Variants in CPB2 observed in about 807,000 individuals in gnomAD.
CPB2 encodes the protein carboxypeptidase B-like protein.
Under a neutral mutation model 57.0 loss-of-function variants are expected in CPB2, and 54 were observed. That is an observed-to-expected ratio of 0.95 (90% CI 0.76 to 1.19). The LOEUF (loss-of-function observed/expected upper bound fraction) is 1.19. Among genes scored for constraint, CPB2 ranks in the 50% most tolerant of loss-of-function variants. CPB2 has a pLI of 0.00. For missense variants in CPB2, 426 were observed against 512.0 expected, an observed-to-expected ratio of 0.83 and a Z score of 1.62; for synonymous variants, 189 against 178.1, an observed-to-expected ratio of 1.06 and a Z score of -0.49.
At chr13:46,065,278 T>C (rs2139360255) in intron 7 of CPB2, among the ~76,000 whole-genome samples, 1 of 152,300 alleles carries the variant, frequency 6.6e-6, no homozygotes, top group East Asian at 1.9e-4. Flanking sequence ...TTTTTAAATA[T>C]AAAGCAAATT....
intron 1 of CPB2, chr13:46,100,180 T>G (rs1462686164): frequency 6.6e-6 from 1 of 152,034 alleles, no homozygotes; most frequent in Non-Finnish European, 1.5e-5. Context: ...GTTATCCAAA[T>G]GAGACCTCTT....
chr13:46,074,059 T>C (rs2044985094), intron 5 of CPB2, 82 bp from the exon 6 acceptor site: 2 of 698,958 alleles, frequency 2.9e-6, no homozygotes, highest in Non-Finnish European at 4.6e-6. Flanking sequence ...AGTGCTTATA[T>C]TTAATAGTTT....
chr13:46,089,917 A>G (rs2045266540), intron 1 of CPB2, among the ~76,000 whole-genome samples: 1 of 152,234 alleles, frequency 6.6e-6, no homozygotes, highest in South Asian at 2.1e-4. Flanking sequence ...AAACGTACTA[A>G]GACAGAATTA....
At chr13:46,087,160 G>A (rs1024553979) in intron 2 of CPB2, among the ~76,000 whole-genome samples, 2 of 152,184 alleles carry the variant, frequency 1.3e-5, no homozygotes, top group African/African-American at 4.8e-5. Context: ...GCTGCAGCGG[G>A]CAGCTGCAGC....
At chr13:46,079,551 A>AAAAAAAAAG (rs2045078862) in intron 4 of CPB2, among the ~76,000 whole-genome samples, 57 of 124,672 alleles carry the variant, frequency 4.6e-4, no homozygotes, top group African/African-American at 7.7e-4. Context: ...AAAAAAAAAA[A>AAAAAAAAAG]AAAAGAAAAG....
At position 46,053,648 on chromosome 13, in the gene CPB2, G is replaced by T; in HGVS notation, c.1238C>A (p.Ser413Tyr). The change falls in exon 11 of 11, where the codon TCT (serine) becomes TAT (tyrosine). Residue 413 changes from serine (S) to tyrosine (Y), a missense_variant. Ser to Tyr is a moderately radical substitution (Grantham distance 144, BLOSUM62 -2). Coordinates refer to ENST00000181383, the MANE Select transcript of CPB2 (RefSeq NM_001872.5). ...PTCREAFAAV[S>Y]KIAWHVIRNV is the part of the protein sequence containing the mutation. ...CCTAATGACATGCCAAGCTATTTTA[G>T]AGACAGCGGCAAAAGCTTCTCTACA... 1 of 1,614,152 alleles carries T rather than the reference G, an allele frequency of 6.2e-7. No homozygotes were observed. Among genetic ancestry groups the T allele is most frequent in the Non-Finnish European group, 8.5e-7 (1 of 1,180,008 alleles).
At chr13:46,067,669 TAA>T in intron 6 of CPB2, among the ~76,000 whole-genome samples, 1 of 152,218 alleles carries the variant, frequency 6.6e-6, no homozygotes, top group Non-Finnish European at 1.5e-5. Context: ...AAATTTTCCT[TAA>T]AAAATAAAAT....
intron 1 of CPB2, among the ~76,000 whole-genome samples, chr13:46,093,282 G>T (rs1370320819): frequency 6.6e-6 from 1 of 152,186 alleles, no homozygotes; most frequent in East Asian, 1.9e-4. Flanking sequence ...CTGAATTCTG[G>T]AAATAAGTCT....
chr13:46,082,806 G>A (rs17844193), intron 3 of CPB2, among the ~76,000 whole-genome samples: 187 of 152,204 alleles, frequency 1.2e-3, no homozygotes, highest in African/African-American at 4.1e-3. Context: ...AAAAACCACC[G>A]TTTCCCACCA....
intron 3 of CPB2, among the ~76,000 whole-genome samples, chr13:46,082,958 C>CTT (rs774539161): frequency 7.0e-6 from 1 of 142,928 alleles, no homozygotes. Flanking sequence ...CCTTTTCTTT[C>CTT]TTTTTTTTTT....
intron 1 of CPB2, among the ~76,000 whole-genome samples, chr13:46,095,525 T>C (rs2045352624): frequency 6.6e-6 from 1 of 152,166 alleles, no homozygotes; most frequent in Non-Finnish European, 1.5e-5. Flanking sequence ...CCATAGTGCT[T>C]GATGTGGCAT....
At chr13:46,084,779 T>A (rs989134653) in intron 2 of CPB2, among the ~76,000 whole-genome samples, 64 of 151,738 alleles carry the variant, frequency 4.2e-4, no homozygotes, top group Admixed American at 6.6e-4. Context: ...TTCCTTTTTT[T>A]AAAAAGGCTT....
chr13:46,091,617 T>G (rs1226934376), intron 1 of CPB2, among the ~76,000 whole-genome samples: 1 of 152,216 alleles, frequency 6.6e-6, no homozygotes, highest in Non-Finnish European at 1.5e-5. Context: ...GCTTAATATC[T>G]TAATGTGGTG....
At chr13:46,066,769 C>T (rs1428056435) in intron 7 of CPB2, among the ~76,000 whole-genome samples, 8 of 147,892 alleles carry the variant, frequency 5.4e-5, no homozygotes, top group East Asian at 2.0e-4. Context: ...CTCTTGAACC[C>T]GGGAGGTGGA....
At chr13:46,088,198 A>G (rs191235017) in intron 1 of CPB2, among the ~76,000 whole-genome samples, 1 of 152,292 alleles carries the variant, frequency 6.6e-6, no homozygotes, top group East Asian at 1.9e-4. Context: ...CCCCACTTAA[A>G]AAGTCCAGCT....
chr13:46,082,372 T>G (rs189042640), intron 4 of CPB2, 69 bp downstream of exon 4: 4 of 852,800 alleles, frequency 4.7e-6, no homozygotes, highest in Non-Finnish European at 7.4e-6. Context: ...TCTTGAATAT[T>G]CCCCTGATTG....
At chr13:46,095,919 T>C (rs1479728169) in intron 1 of CPB2, among the ~76,000 whole-genome samples, 2 of 149,248 alleles carry the variant, frequency 1.3e-5, no homozygotes, top group African/African-American at 5.0e-5. Context: ...TTTGCTCTTG[T>C]CACCCAGGCT....
intron 10 of CPB2, 62 bp from the exon 11 acceptor site, chr13:46,053,860 A>G (rs1381832119): frequency 6.0e-6 from 9 of 1,493,406 alleles, no homozygotes; most frequent in Non-Finnish European, 8.3e-6. Flanking sequence ...ACAAACTGGG[A>G]ATTGTTTGAT....
At chr13:46,071,179 C>T (rs149987596) in intron 6 of CPB2, among the ~76,000 whole-genome samples, 2 of 151,964 alleles carry the variant, frequency 1.3e-5, no homozygotes, top group East Asian at 1.9e-4. Flanking sequence ...ATTGAGGGTT[C>T]GGATGAATTT....
Sources: gnomAD v4.1 joint callset for allele counts (sites outside exome capture counted in the v4.1 genomes callset) on GRCh38, gnomAD v4.1.1 for gene constraint, MANE v1.5 for transcripts, NCBI Gene and HGNC (gene_info 2026-07-23, HGNC 2026-07-21) for gene names.